The following ZMYM4 variants were observed in gnomAD, a reference collection of about 807,000 sequenced individuals.
The protein encoded by ZMYM4 is zinc finger MYM-type containing 4, also known as zinc finger MYM-type protein 4.
ZMYM4 carries 31 observed loss-of-function variants against 183.2 expected under a neutral mutation model. That is an observed-to-expected ratio of 0.17 (90% CI 0.13 to 0.23). The LOEUF is 0.23. Among genes scored for constraint, ZMYM4 ranks in the 10% least tolerant of loss-of-function variants. The pLI is 1.00. For synonymous variants in ZMYM4, 592 were observed against 631.2 expected, an observed-to-expected ratio of 0.94 and a Z score of 0.93; for missense variants, 1,273 against 1,840.3, an observed-to-expected ratio of 0.69 and a Z score of 5.64.
chr1:35,396,705 C>T, intron 19 of ZMYM4, 35 bp downstream of exon 19: 6 of 1,601,638 alleles, frequency 3.7e-6, no homozygotes, highest in Non-Finnish European at 5.1e-6. Flanking sequence ...GCTAATATAG[C>T]ATGCATTTTC....
chr1:35,393,510 C>A, intron 17 of ZMYM4, 85 bp from the exon 18 acceptor site: 1 of 1,250,468 alleles, frequency 8.0e-7, no homozygotes, highest in Non-Finnish European at 1.1e-6. Context: ...TCCAATATGA[C>A]ATTTCCTTTA....
chr1:35,373,191 T>C (rs1375691212), intron 7 of ZMYM4, among the ~76,000 whole-genome samples: 2 of 151,356 alleles, frequency 1.3e-5, no homozygotes, highest in African/African-American at 2.4e-5. Flanking sequence ...GTTGTACACA[T>C]AGTAAATACA....
chr1:35,302,457 C>T (rs1457747673), intron 1 of ZMYM4, among the ~76,000 whole-genome samples: 1 of 146,148 alleles, frequency 6.8e-6, no homozygotes, highest in African/African-American at 2.6e-5. Flanking sequence ...GCGATCTCAG[C>T]TCACTGCAAG....
chr1:35,405,280 A>G (rs1644982100), intron 24 of ZMYM4, 86 bp downstream of exon 24: 1 of 1,574,564 alleles, frequency 6.4e-7, no homozygotes, highest in Non-Finnish European at 8.6e-7. Flanking sequence ...TTTTAGGTCA[A>G]AAACCCCATA....
rs1417234024 is a variant in ZMYM4 at position 35,381,382 on chromosome 1, A to G, written c.1305A>G (p.Ile435Met). 6.2e-7 allele frequency: 1 copy of G among 1,611,870 alleles called. No individual in the cohort carries two copies. The highest frequency in any genetic ancestry group is 1.3e-5 in the African/African-American group (1 of 74,774). The change falls in exon 8 of 30, where the codon ATA (isoleucine) becomes ATG (methionine). Residue 435 changes from isoleucine to methionine, a missense_variant. This residue lies in a region of ZMYM4 where 319 missense variants were observed against 518.1 expected (regional missense o/e 0.62). Transcript: ENST00000314607. The stretch of plus-strand genomic sequence containing the variant: ...TGAAAAAAAAACCTATTGTTACCAT[A>G]AATACAAATAGTATTTCAACCAAAT... ...YELKKKPIVT[I>M]NTNSISTKCS...
In ZMYM4 at chr1:35,381,590, C is replaced by T. The variant is rs780344714; in HGVS notation, c.1401C>T (p.Cys467=). The part of the protein sequence containing the change: ...VNYQNVVHKL[C]SDACFSKFRS... ...ACCAGAATGTGGTCCATAAACTTTG[C>T]AGTGATGCCTGCTTCTCTAAGTTTC... The change falls in exon 9 of 30, where the codon TGC becomes TGT. Residue 467 remains cysteine (C), a synonymous_variant. Transcript: ENST00000314607. 6.2e-6 allele frequency: 10 copies of T among 1,614,204 alleles called. No individual in the cohort carries two copies. The highest frequency in any genetic ancestry group is 8.5e-6 in the Non-Finnish European group (10 of 1,180,038).
chr1:35,417,779 G>A (rs1640180085), intron 28 of ZMYM4, among the ~76,000 whole-genome samples: 1 of 152,152 alleles, frequency 6.6e-6, no homozygotes. Flanking sequence ...GGAGGCCGAG[G>A]TGGGCTGATC....
At chr1:35,333,279 A>T (rs544761767) in intron 2 of ZMYM4, among the ~76,000 whole-genome samples, 31 of 146,068 alleles carry the variant, frequency 2.1e-4, no homozygotes, top group Non-Finnish European at 3.6e-4. Flanking sequence ...TTTTTTTGAG[A>T]CAGAGTCTTG....
At position 35,268,804 on chromosome 1, in the gene ZMYM4, G is replaced by C. The variant is rs1464206430; in HGVS notation, c.-243G>C. Among the ~76,000 whole-genome samples the C allele has an allele frequency of 6.6e-6, 1 of 152,180 alleles. No homozygotes were observed. Among genetic ancestry groups the C allele is most frequent in the African/African-American group, 2.4e-5 (1 of 41,460 alleles). On this transcript the variant is annotated 5_prime_UTR_variant, in exon 1 of 30. Transcript: ENST00000314607. Reference sequence around the variant, plus strand: ...GCCCCTTGGAGGCCATTAACCCCCCGAGTCCCGGCCCCCACCCCGTCCCCG... The same window carrying C: ...GCCCCTTGGAGGCCATTAACCCCCCCAGTCCCGGCCCCCACCCCGTCCCCG...
intron 7 of ZMYM4, among the ~76,000 whole-genome samples, chr1:35,371,100 TGTGTGTGC>T (rs754211664): frequency 0.018 from 2,308 of 130,234 alleles, 30 homozygotes; most frequent in Middle Eastern, 0.047. Context: ...TGTGTGTGTG[TGTGTGTGC>T]GCACATTTAT....
Position 35,421,702 on chromosome 1 carries a change from T to A in ZMYM4, c.*2025T>A, listed in dbSNP as rs1640330484. 6.6e-6 allele frequency: 1 copy of A among 152,228 alleles called. No individual in the cohort carries two copies. Among genetic ancestry groups the A allele is most frequent in the South Asian group, 2.1e-4 (1 of 4,836 alleles). The allele number at this position is 152,228 out of a possible 1,614,324, so 9.4% of individuals were successfully genotyped here. On this transcript the variant is annotated 3_prime_UTR_variant, in exon 30 of 30. Transcript: ENST00000314607. ...CTAAATTTATTCATAAGAGAAAATATTGATTAATTATTGGTCATTCCTCAT... is the reference window on the plus strand; with the variant it reads ...CTAAATTTATTCATAAGAGAAAATAATGATTAATTATTGGTCATTCCTCAT...
intron 1 of ZMYM4, among the ~76,000 whole-genome samples, chr1:35,293,752 A>AG (rs1202748394): frequency 6.6e-6 from 1 of 152,172 alleles, no homozygotes; most frequent in East Asian, 1.9e-4. Flanking sequence ...CCAAGGAGAA[A>AG]GAGTAGAAGT....
At chr1:35,385,741 C>T (rs550668922) in intron 10 of ZMYM4, 149 bp downstream of exon 10, 3 of 961,986 alleles carry the variant, frequency 3.1e-6, no homozygotes, top group Admixed American at 7.6e-5. Context: ...ACCTTGATTG[C>T]TTATTTATTT....
intron 2 of ZMYM4, among the ~76,000 whole-genome samples, chr1:35,325,642 C>T (rs539694812): frequency 3.2e-4 from 49 of 151,940 alleles, no homozygotes; most frequent in Non-Finnish European, 5.7e-4. Context: ...TAAAATATAG[C>T]CATACTTCGT....
chr1:35,292,205 G>GTGTTGGTA (rs1640794860), intron 1 of ZMYM4: 1 of 152,068 alleles, frequency 6.6e-6, no homozygotes, highest in South Asian at 2.1e-4. Context: ...TAGACACAGG[G>GTGTTGGTA]TGTTGGTATG....
chr1:35,376,877 A>G (rs181764275), intron 7 of ZMYM4, among the ~76,000 whole-genome samples: 2 of 151,790 alleles, frequency 1.3e-5, no homozygotes, highest in Admixed American at 6.6e-5. Context: ...ATATTTGTCT[A>G]TTTGTCACAA....
intron 27 of ZMYM4, among the ~76,000 whole-genome samples, chr1:35,415,199 T>C (rs1640066430): frequency 6.6e-6 from 1 of 152,218 alleles, no homozygotes; most frequent in Admixed American, 6.5e-5. Context: ...ATTTACTTTC[T>C]GGCCCTTTAT....
chr1:35,387,291 AT>A lies in ZMYM4; in HGVS notation c.2112+14del. 2 of 1,609,742 alleles carry A rather than the reference AT, an allele frequency of 1.2e-6. No homozygotes were observed. The highest frequency in any genetic ancestry group is 1.7e-6 in the Non-Finnish European group (2 of 1,176,372). ...TCTTGACTATAAGGTAAAGTATAGC[AT>A]GTTCATGATAAGATTTTGAGTATAC... is the stretch of plus-strand genomic sequence containing the variant. On this transcript the variant is annotated intron_variant, in intron 12 of 29. Transcript: ENST00000314607.
Position 35,361,199 on chromosome 1 carries a change from C to G in ZMYM4, c.613C>G (p.Gln205Glu). The G allele has an allele frequency of 6.3e-7, 1 of 1,585,832 alleles. No individual in the cohort carries two copies. Among genetic ancestry groups the G allele is most frequent in the Non-Finnish European group, 8.5e-7 (1 of 1,169,782 alleles). The change falls in exon 4 of 30, where the codon CAA becomes GAA. Residue 205 changes from glutamine to glutamate, a missense_variant. Coordinates refer to ENST00000314607, the MANE Select transcript of ZMYM4 (RefSeq NM_005095.3). Reference sequence around the variant, plus strand: ...TTTTTTTTTCCTTTCAATAGCTAATCAAGTTGAAGAAACATTACATACCCA... The same window carrying G: ...TTTTTTTTTCCTTTCAATAGCTAATGAAGTTGAAGAAACATTACATACCCA... ...KSSFFDKAANQVEETLHTHLP... is the reference protein window; with the variant it reads ...KSSFFDKAANEVEETLHTHLP...
Sources: allele counts gnomAD v4.1 joint callset (sites outside exome capture counted in the v4.1 genomes callset), GRCh38; gene constraint gnomAD v4.1.1; regional missense constraint gnomAD v4.1.1; transcripts MANE v1.5; gene names NCBI Gene and HGNC (gene_info 2026-07-23, HGNC 2026-07-21).